The following HSF2BP variants were observed in gnomAD, a reference collection of about 807,000 sequenced individuals.
HSF2BP encodes the protein heat shock transcription factor 2 binding protein.
A neutral mutation model predicts 35.0 loss-of-function variants in HSF2BP; 35 were observed. The ratio of observed to expected loss-of-function variants is 1.00; its 90% CI spans 0.76 to 1.32. HSF2BP has a LOEUF of 1.32. Among genes scored for constraint, HSF2BP ranks in the 40% most tolerant of loss-of-function variants. The probability of loss-of-function intolerance (pLI) is 0.00; values close to 1 mark genes in which losing one functional copy is unlikely to be tolerated. For missense variants in HSF2BP, 326 were observed against 321.7 expected, an observed-to-expected ratio of 1.01 and a Z score of -0.10; for synonymous variants, 114 against 117.4, an observed-to-expected ratio of 0.97 and a Z score of 0.18.
chr21:43,592,182 C>T (rs1297469660), intron 8 of HSF2BP, 43 bp downstream of exon 8: 1 of 1,337,718 alleles, frequency 7.5e-7, no homozygotes, highest in Non-Finnish European at 1.1e-6. Flanking sequence ...AGGACTACTG[C>T]ATAACCCGTA....
At chr21:43,635,819 C>A (rs1397007548) in intron 4 of HSF2BP, among the ~76,000 whole-genome samples, 4 of 151,292 alleles carry the variant, frequency 2.6e-5, no homozygotes, top group Non-Finnish European at 5.9e-5. Flanking sequence ...ATCCCACCTA[C>A]TCGGGAGGCT....
At chr21:43,639,344 C>T (rs1391126602) in intron 4 of HSF2BP, among the ~76,000 whole-genome samples, 1 of 151,980 alleles carries the variant, frequency 6.6e-6, no homozygotes, top group Non-Finnish European at 1.5e-5. Context: ...TTGAAAGAAC[C>T]TGTGAAGATG....
chr21:43,655,428 G>A (rs1161830508), intron 3 of HSF2BP, among the ~76,000 whole-genome samples: 1 of 152,200 alleles, frequency 6.6e-6, no homozygotes, highest in Non-Finnish European at 1.5e-5. Context: ...GGAGAGCAGA[G>A]ATAACAGAAC....
rs187982068 is a variant in HSF2BP at position 43,624,181 on chromosome 21, A to C, written c.574+6141T>G. On this transcript the variant is annotated intron_variant, in intron 6 of 8. Transcript: ENST00000291560. ...CATACATCCACACATAAACTTCTGC[A>C]CAAATGCTCGTATCAGCATTATCCA... Among the ~76,000 whole-genome samples the C allele has an allele frequency of 1.5e-3, 230 of 152,364 alleles. 2 individuals carry two copies. Among genetic ancestry groups the C allele is most frequent in the African/African-American group, 5.3e-3 (219 of 41,578 alleles).
At chr21:43,598,365 C>T (rs969693614) in intron 7 of HSF2BP, among the ~76,000 whole-genome samples, 13 of 146,608 alleles carry the variant, frequency 8.9e-5, no homozygotes, top group East Asian at 2.0e-4. Flanking sequence ...CCACCACACC[C>T]GGCTAATTTT....
Position 43,585,675 on chromosome 21 carries a change from G to A in HSF2BP, c.796+6550C>T, listed in dbSNP as rs151123459. ...AAAAAAAAAACACCTAGGTGGGAGT[G>A]CTAGCTGGTGATCAGATTCTGGAGA... On this transcript the variant is annotated intron_variant, in intron 8 of 8. Transcript: ENST00000291560. 2.7e-3 allele frequency among the ~76,000 whole-genome samples: 408 copies of A among 151,996 alleles called. 3 individuals carry two copies. Among genetic ancestry groups the A allele is most frequent in the African/African-American group, 9.3e-3 (386 of 41,438 alleles).
intron 5 of HSF2BP, among the ~76,000 whole-genome samples, chr21:43,631,987 A>ACG (rs1568927933): frequency 1.4e-5 from 1 of 69,508 alleles, no homozygotes; most frequent in South Asian, 5.5e-4. Context: ...CGCTCCCCAC[A>ACG]CACACACTCC....
chr21:43,633,816 T>G (rs2082516367), intron 4 of HSF2BP, among the ~76,000 whole-genome samples: 2 of 152,168 alleles, frequency 1.3e-5, no homozygotes, highest in Non-Finnish European at 2.9e-5. Flanking sequence ...GACAGGAGAC[T>G]GCCTCCTCCA....
Position 43,576,118 on chromosome 21 carries a change from CAAAAAAAA to C in HSF2BP, c.796+16099_796+16106del, listed in dbSNP as rs34954288. 8.7e-5 allele frequency among the ~76,000 whole-genome samples: 10 copies of C among 114,814 alleles called. 1 individual carries two copies. The highest frequency in any genetic ancestry group is 1.7e-4 in the Non-Finnish European group (9 of 53,752). 75.3% of individuals were successfully genotyped at this position (114,814 alleles called of 152,430 possible). On this transcript the variant is annotated intron_variant, in intron 8 of 8. Coordinates refer to ENST00000291560, the MANE Select transcript of HSF2BP (RefSeq NM_007031.2). ...GGATGACAGAGCAAGATTTTGTCTC[CAAAAAAAA>C]AAAAAAAAAAAGTCATTTCCAAATT...
chr21:43,643,477 G>A (rs145661978), intron 4 of HSF2BP, among the ~76,000 whole-genome samples: 1 of 152,114 alleles, frequency 6.6e-6, no homozygotes, highest in African/African-American at 2.4e-5. Flanking sequence ...CTGAGAGCAG[G>A]TTGGTAAAGA....
intron 3 of HSF2BP, among the ~76,000 whole-genome samples, chr21:43,644,872 G>A (rs2082687958): frequency 6.6e-6 from 1 of 152,170 alleles, no homozygotes; most frequent in Non-Finnish European, 1.5e-5. Context: ...GGCACTGGAG[G>A]AGGGAAAGAA....
At chr21:43,620,282 T>C (rs2082317108) in intron 6 of HSF2BP, among the ~76,000 whole-genome samples, 1 of 152,206 alleles carries the variant, frequency 6.6e-6, no homozygotes, top group Non-Finnish European at 1.5e-5. Flanking sequence ...GATGGCAATA[T>C]ATGAGCTCTC....
At chr21:43,467,422 C>T in the HSF2BP span, 1 of 81,692 alleles carries the variant, frequency 1.2e-5, no homozygotes, top group Non-Finnish European at 2.4e-5. Context: ...GACAGACACA[C>T]CGACCACATC....
intron 8 of HSF2BP, among the ~76,000 whole-genome samples, chr21:43,580,362 A>G (rs1382465342): frequency 6.6e-6 from 1 of 152,210 alleles, no homozygotes; most frequent in East Asian, 1.9e-4. Flanking sequence ...TCAGCTTGTC[A>G]GACTGGACAT....
chr21:43,658,393 T>A, intron 1 of HSF2BP, 73 bp from the exon 2 acceptor site: 1 of 442,772 alleles, frequency 2.3e-6, no homozygotes, highest in Non-Finnish European at 4.0e-6. Flanking sequence ...CCTTTCCTGT[T>A]TGGCGAGGAA....
rs933665640 is a variant in HSF2BP at position 43,598,448 on chromosome 21, C to A, written c.693-6120G>T. On this transcript the variant is annotated intron_variant, in intron 7 of 8. Coordinates refer to ENST00000291560, the MANE Select transcript of HSF2BP (RefSeq NM_007031.2). ...TGTTGGCCAAGCTGGTCTCAAACTC[C>A]TGACCTCAGGTGACCCACCTGCCTT... Among the ~76,000 whole-genome samples the A allele has an allele frequency of 5.3e-5, 8 of 151,314 alleles. No homozygotes were observed. The East Asian group carries it at 1.6e-3, about 30-fold the overall frequency.
Position 43,604,411 on chromosome 21 carries a change from TAC to T in HSF2BP, c.692+9417_692+9418del, listed in dbSNP as rs1360037826. Among the ~76,000 whole-genome samples the T allele has an allele frequency of 1.1e-4, 5 of 47,112 alleles. No homozygotes were observed. In the East Asian group the frequency reaches 3.1e-3, roughly 29 times the overall value. 30.9% of individuals were successfully genotyped at this position (47,112 alleles called of 152,430 possible). A position where few individuals can be genotyped will look rare whatever the true frequency, so the allele number is the denominator to read the frequency against. The stretch of plus-strand genomic sequence containing the variant: ...CACCACACACACTACACACACACCA[TAC>T]ACACCCCACACACCACACCACACAC... On this transcript the variant is annotated intron_variant, in intron 7 of 8. Coordinates refer to ENST00000291560, the MANE Select transcript of HSF2BP (RefSeq NM_007031.2).
chr21:43,634,652 G>A (rs1430884634), intron 4 of HSF2BP, among the ~76,000 whole-genome samples: 8 of 152,222 alleles, frequency 5.3e-5, no homozygotes, highest in East Asian at 1.9e-4. Context: ...GAGACAATGC[G>A]TTTGGCACAC....
chr21:43,612,476 C>T (rs1414559302), intron 7 of HSF2BP, among the ~76,000 whole-genome samples: 2 of 152,004 alleles, frequency 1.3e-5, no homozygotes, highest in African/African-American at 2.4e-5. Flanking sequence ...ACGGTGAAAC[C>T]CCGTCTCTAC....
Sources: allele counts gnomAD v4.1 joint callset (sites outside exome capture counted in the v4.1 genomes callset), GRCh38; gene constraint gnomAD v4.1.1; transcripts MANE v1.5; gene names NCBI Gene and HGNC (gene_info 2026-07-23, HGNC 2026-07-21).